MCOLN2: variants seen among roughly 807,000 people sequenced by gnomAD.
MCOLN2 encodes the protein mucolipin-2.
A neutral mutation model predicts 67.5 loss-of-function variants in MCOLN2; 57 were observed. That is an observed-to-expected ratio of 0.84 (90% confidence interval 0.68 to 1.05). MCOLN2 has a LOEUF of 1.05. Among genes scored for constraint, MCOLN2 ranks in the 50% least tolerant of loss-of-function variants. The pLI is 0.00. For synonymous variants in MCOLN2, 246 were observed against 233.3 expected (o/e 1.05, Z -0.50); for missense variants, 620 against 678.8 (o/e 0.91, Z 0.96).
chr1:84,985,294 T>C (rs1234845511), intron 1 of MCOLN2, among the ~76,000 whole-genome samples: 1 of 152,200 alleles, frequency 6.6e-6, no homozygotes, highest in Non-Finnish European at 1.5e-5. Flanking sequence ...CAGCATTTGA[T>C]ACAGCTGACC....
At chr1:84,935,331 G>A (rs1647361202) in intron 11 of MCOLN2, among the ~76,000 whole-genome samples, 1 of 152,196 alleles carries the variant, frequency 6.6e-6, no homozygotes, top group South Asian at 2.1e-4. Flanking sequence ...CCTGGTGAGA[G>A]ATGCCATAAA....
chr1:84,975,365 A>T (rs1056055730), intron 1 of MCOLN2, among the ~76,000 whole-genome samples: 3 of 152,176 alleles, frequency 2.0e-5, no homozygotes, highest in African/African-American at 4.8e-5. Context: ...TTTGTTAGGG[A>T]GACAAAAAGG....
chr1:84,955,548 T>G (rs916309898), intron 4 of MCOLN2, among the ~76,000 whole-genome samples: 4 of 152,130 alleles, frequency 2.6e-5, no homozygotes, highest in Non-Finnish European at 4.4e-5. Flanking sequence ...GGCAGGGGGC[T>G]AGTTTCTATA....
In MCOLN2 at chr1:84,983,925, C is replaced by T. The variant is rs184999863; in HGVS notation, c.77+12871G>A. On this transcript the variant is annotated intron_variant, in intron 1 of 13. Coordinates refer to ENST00000370608, the MANE Select transcript of MCOLN2 (RefSeq NM_153259.4). Reference sequence around the variant, plus strand: ...CTCCTGACCTTATGTCCACCCACCTCGGCCTCCCAAAGTGCTGGGATTACA... The same window carrying T: ...CTCCTGACCTTATGTCCACCCACCTTGGCCTCCCAAAGTGCTGGGATTACA... 5.5e-4 allele frequency among the ~76,000 whole-genome samples: 84 copies of T among 151,424 alleles called. 2 individuals are homozygous for T. The East Asian group carries it at 0.015, about 27-fold the overall frequency.
At chr1:84,934,692 A>G (rs762591976) in intron 11 of MCOLN2, among the ~76,000 whole-genome samples, 50 of 152,360 alleles carry the variant, frequency 3.3e-4, no homozygotes, top group Non-Finnish European at 7.1e-4. Context: ...CTCACAGGAA[A>G]AAAAGTCCTC....
rs12064092 is a variant in MCOLN2 at position 84,939,706 on chromosome 1, T to A, written c.961-4A>T. ...CCAGGAAGAAATTTAGAAATCTCTA[T>A]GGCAAACATTTAAAGAAGCGTTTCT... On this transcript the variant is annotated splice_polypyrimidine_tract_variant and splice_region_variant and intron_variant, in intron 8 of 13. Coordinates refer to ENST00000370608, the MANE Select transcript of MCOLN2 (RefSeq NM_153259.4). The A allele has an allele frequency of 3.1e-6, 5 of 1,613,836 alleles. No homozygotes were observed. The highest frequency in any genetic ancestry group is 3.4e-6 in the Non-Finnish European group (4 of 1,179,916).
In MCOLN2 at chr1:84,965,651, C is replaced by G; in HGVS notation, c.135G>C (p.Leu45=). The change falls in exon 2 of 14, where the codon CTG becomes CTC. Residue 45 remains leucine (L), a synonymous_variant. Transcript: ENST00000370608. ...CACAAGGGCTCATGAAGTAAAACTTCAGGTCTTCCCTTAGACATTCTTCTT... is the reference window on the plus strand; with the variant it reads ...CACAAGGGCTCATGAAGTAAAACTTGAGGTCTTCCCTTAGACATTCTTCTT... ...EMKEECLRED[L]KFYFMSPCEK... 1.9e-6 allele frequency: 3 copies of G among 1,613,986 alleles called. No individual in the cohort carries two copies. Among genetic ancestry groups the G allele is most frequent in the Non-Finnish European group, 2.5e-6 (3 of 1,179,910 alleles).
chr1:84,933,915 C>A (rs1275846479), intron 11 of MCOLN2, among the ~76,000 whole-genome samples: 1 of 152,216 alleles, frequency 6.6e-6, no homozygotes, highest in Non-Finnish European at 1.5e-5. Flanking sequence ...AGAGTTAAAA[C>A]AGAGACCCAG....
At chr1:84,940,632 G>C (rs187524203) in intron 8 of MCOLN2, among the ~76,000 whole-genome samples, 6 of 152,284 alleles carry the variant, frequency 3.9e-5, no homozygotes, top group Non-Finnish European at 1.5e-5. Context: ...TCACCACTGT[G>C]CATCTGTACA....
chr1:84,976,669 G>A (rs1650008285), intron 1 of MCOLN2, among the ~76,000 whole-genome samples: 1 of 152,152 alleles, frequency 6.6e-6, no homozygotes, highest in Non-Finnish European at 1.5e-5. Flanking sequence ...GGGAGGCTGA[G>A]GCAGGAGAAT....
rs1021926403 is a variant in MCOLN2 at position 84,926,149 on chromosome 1, G to C, written c.*536C>G. The C allele has an allele frequency of 6.6e-6, 1 of 152,568 alleles. No homozygotes were observed. The highest frequency in any genetic ancestry group is 2.4e-5 in the African/African-American group (1 of 41,430). 9.5% of individuals were successfully genotyped at this position (152,568 alleles called of 1,614,324 possible). On this transcript the variant is annotated 3_prime_UTR_variant, in exon 14 of 14. Transcript: ENST00000370608. ...AGTCTGCCTGCCTAGGCCTCCCAAAGTGCTGGGATTACAGGTGTGAACCAC... is the reference window on the plus strand; with the variant it reads ...AGTCTGCCTGCCTAGGCCTCCCAAACTGCTGGGATTACAGGTGTGAACCAC...
intron 11 of MCOLN2, among the ~76,000 whole-genome samples, chr1:84,932,649 C>T (rs906036939): frequency 1.3e-5 from 2 of 152,154 alleles, no homozygotes; most frequent in Non-Finnish European, 2.9e-5. Flanking sequence ...ACCAAAGAAA[C>T]ATTTACTCTG....
At chr1:84,981,638 G>T (rs976815085) in intron 1 of MCOLN2, among the ~76,000 whole-genome samples, 2 of 152,158 alleles carry the variant, frequency 1.3e-5, no homozygotes, top group African/African-American at 4.8e-5. Flanking sequence ...AGAGTAGAAG[G>T]ATGGTTACCA....
intron 1 of MCOLN2, among the ~76,000 whole-genome samples, chr1:84,967,632 G>A (rs1273199901): frequency 6.6e-6 from 1 of 151,440 alleles, no homozygotes; most frequent in Non-Finnish European, 1.5e-5. Context: ...AGTGGGCTAA[G>A]TTATTCAGAA....
At chr1:84,929,892 T>A in intron 12 of MCOLN2, 1 of 345,748 alleles carries the variant, frequency 2.9e-6, no homozygotes, top group South Asian at 7.1e-5. Context: ...AAAGAAAAAC[T>A]TCAGAAAGAA....
At position 84,978,809 on chromosome 1, in the gene MCOLN2, T is replaced by TAC. The variant is rs918227614; in HGVS notation, c.78-13103_78-13102dup. On this transcript the variant is annotated intron_variant, in intron 1 of 13. Coordinates refer to ENST00000370608, the MANE Select transcript of MCOLN2 (RefSeq NM_153259.4). Reference sequence around the variant, plus strand: ...ATGTATATGTGTATAAATATATATATACACACACACACATATACATATATA... The same window carrying TAC: ...ATGTATATGTGTATAAATATATATATACACACACACACACATATACATATATA... Among the ~76,000 whole-genome samples the TAC allele has an allele frequency of 6.6e-5, 10 of 151,770 alleles. No individual in the cohort carries two copies. The East Asian group carries it at 1.5e-3, about 23-fold the overall frequency.
chr1:84,958,491 A>T lies in MCOLN2; in HGVS notation c.411+38T>A, dbSNP rs753290885. 3.3e-6 allele frequency: 5 copies of T among 1,493,944 alleles called. No homozygotes were observed. In the African/African-American group the frequency reaches 5.8e-5, roughly 17 times the overall value. The allele number at this position is 1,493,944 out of a possible 1,614,324, so 92.5% of individuals were successfully genotyped here. A position where few individuals can be genotyped will look rare whatever the true frequency, so the allele number is the denominator to read the frequency against. ...CTAAGACAAGGCCAAGTATCAATAC[A>T]TTGTTAAAGTATAGGTCATTCACAA... On this transcript the variant is annotated intron_variant, in intron 3 of 13. Coordinates refer to ENST00000370608, the MANE Select transcript of MCOLN2 (RefSeq NM_153259.4).
intron 11 of MCOLN2, among the ~76,000 whole-genome samples, chr1:84,936,969 A>G (rs1427511276): frequency 6.6e-6 from 1 of 152,234 alleles, no homozygotes; most frequent in Non-Finnish European, 1.5e-5. Context: ...TGCCCAGCAG[A>G]GTGTCTAACA....
chr1:84,979,624 T>C (rs754791702), intron 1 of MCOLN2, among the ~76,000 whole-genome samples: 1 of 152,186 alleles, frequency 6.6e-6, no homozygotes, highest in Non-Finnish European at 1.5e-5. Flanking sequence ...AAATTCAACA[T>C]TGCTTCATGA....
Sources: allele counts gnomAD v4.1 joint callset (sites outside exome capture counted in the v4.1 genomes callset), GRCh38; gene constraint gnomAD v4.1.1; transcripts MANE v1.5; gene names NCBI Gene and HGNC (gene_info 2026-07-23, HGNC 2026-07-21).